The following VPS13B variants were observed in gnomAD, a reference collection of about 807,000 sequenced individuals.
VPS13B encodes intermembrane lipid transfer protein VPS13B.
A neutral mutation model predicts 426.4 loss-of-function variants in VPS13B; 285 were observed. The observed-to-expected ratio is 0.67, with a 90% CI of 0.61 to 0.74. The LOEUF is 0.74. Among genes scored for constraint, VPS13B ranks in the 30% least tolerant of loss-of-function variants. The probability of loss-of-function intolerance (pLI) is 0.00; values close to 1 mark genes in which losing one functional copy is unlikely to be tolerated. For missense variants in VPS13B, 4,537 were observed against 4,782.6 expected (o/e 0.95, Z 1.51); for synonymous variants, 1,676 against 1,676.4 (o/e 1.00, Z 0.01).
At chr8:99,213,350 T>G (rs1815208679) in intron 17 of VPS13B, among the ~76,000 whole-genome samples, 1 of 152,168 alleles carries the variant, frequency 6.6e-6, no homozygotes, top group Admixed American at 6.5e-5. Context: ...AATAATCAAA[T>G]ATAACATTTT....
intron 30 of VPS13B, among the ~76,000 whole-genome samples, chr8:99,533,974 T>C (rs1271421473): frequency 6.6e-6 from 1 of 152,242 alleles, no homozygotes; most frequent in East Asian, 1.9e-4. Context: ...AACCTTTGTT[T>C]TGGTTTTTGG....
chr8:99,425,659 A>G (rs1315991848), intron 21 of VPS13B, among the ~76,000 whole-genome samples: 2 of 152,192 alleles, frequency 1.3e-5, no homozygotes. Context: ...CTGGCACAAG[A>G]CAGGGATGCC....
intron 21 of VPS13B, among the ~76,000 whole-genome samples, chr8:99,406,551 T>A (rs1815342546): frequency 6.6e-6 from 1 of 152,226 alleles, no homozygotes; most frequent in South Asian, 2.1e-4. Context: ...TTTCACTTCG[T>A]GTGCATAATC....
At chr8:99,754,911 C>T (rs1305255301) in intron 39 of VPS13B, among the ~76,000 whole-genome samples, 1 of 152,132 alleles carries the variant, frequency 6.6e-6, no homozygotes, top group Non-Finnish European at 1.5e-5. Flanking sequence ...CCTGCCACAA[C>T]ACCTAGGGTT....
intron 40 of VPS13B, among the ~76,000 whole-genome samples, chr8:99,770,950 C>T (rs974755129): frequency 6.6e-6 from 1 of 152,206 alleles, no homozygotes; most frequent in Non-Finnish European, 1.5e-5. Context: ...GAAAAGGAAT[C>T]ATGAGCCCTA....
intron 44 of VPS13B, among the ~76,000 whole-genome samples, chr8:99,810,535 ATCT>A (rs1451013583): frequency 4.6e-5 from 7 of 152,210 alleles, no homozygotes; most frequent in African/African-American, 1.7e-4. Flanking sequence ...GGACTTGGTG[ATCT>A]TATTATTGTG....
intron 35 of VPS13B, chr8:99,696,469 G>A (rs1832007471): frequency 2.3e-5 from 9 of 387,882 alleles, no homozygotes; most frequent in South Asian, 1.1e-4. Context: ...CTCCGGATCC[G>A]CGCCGACCTC....
At chr8:99,734,628 A>G (rs1299033998) in intron 39 of VPS13B, among the ~76,000 whole-genome samples, 1 of 152,204 alleles carries the variant, frequency 6.6e-6, no homozygotes, top group Non-Finnish European at 1.5e-5. Flanking sequence ...TATTCTGTGA[A>G]GGTAGTCATT....
At chr8:99,311,698 G>C (rs1408803568) in intron 19 of VPS13B, among the ~76,000 whole-genome samples, 1 of 152,220 alleles carries the variant, frequency 6.6e-6, no homozygotes, top group Non-Finnish European at 1.5e-5. Context: ...ACTTGGTGCA[G>C]AGCTGAGTTC....
chr8:99,322,341 T>C (rs982109110), intron 19 of VPS13B, among the ~76,000 whole-genome samples: 1 of 152,208 alleles, frequency 6.6e-6, no homozygotes, highest in Non-Finnish European at 1.5e-5. Context: ...ACTAGATCAC[T>C]AATATTTTCA....
intron 3 of VPS13B, among the ~76,000 whole-genome samples, chr8:99,043,273 T>C (rs1411985572): frequency 6.6e-6 from 1 of 152,186 alleles, no homozygotes; most frequent in African/African-American, 2.4e-5. Flanking sequence ...CTTGTAGAAA[T>C]TTTACATGTG....
intron 7 of VPS13B, among the ~76,000 whole-genome samples, chr8:99,118,446 G>T (rs1354462578): frequency 1.3e-5 from 2 of 151,980 alleles, no homozygotes; most frequent in African/African-American, 4.8e-5. Context: ...CAATGAGTTT[G>T]AGAAATACAT....
intron 16 of VPS13B, among the ~76,000 whole-genome samples, chr8:99,179,552 C>A (rs1181829636): frequency 3.3e-5 from 5 of 152,104 alleles, no homozygotes; most frequent in Non-Finnish European, 7.4e-5. Flanking sequence ...ACTCCAGATG[C>A]TACTCCAGTT....
At chr8:99,524,047 A>G (rs952345754) in intron 30 of VPS13B, among the ~76,000 whole-genome samples, 10 of 152,290 alleles carry the variant, frequency 6.6e-5, no homozygotes, top group African/African-American at 2.2e-4. Flanking sequence ...AGAGATTGAA[A>G]TCATTTAAAA....
intron 25 of VPS13B, among the ~76,000 whole-genome samples, chr8:99,497,227 A>G (rs951990539): frequency 4.9e-5 from 7 of 142,800 alleles, no homozygotes; most frequent in African/African-American, 1.3e-4. Context: ...AAATACATGT[A>G]TTTATATATA....
chr8:99,336,974 A>T (rs1810920556), intron 19 of VPS13B, among the ~76,000 whole-genome samples: 2 of 152,072 alleles, frequency 1.3e-5, no homozygotes, highest in South Asian at 4.2e-4. Flanking sequence ...AGGGATCTAG[A>T]ACTAGAAATA....
At chr8:99,675,689 A>G (rs931947278) in intron 35 of VPS13B, among the ~76,000 whole-genome samples, 3 of 151,944 alleles carry the variant, frequency 2.0e-5, no homozygotes, top group Admixed American at 1.3e-4. Flanking sequence ...CTTTGAGTTC[A>G]TAGATTGTTT....
At chr8:99,595,192 T>C (rs1826945050) in intron 33 of VPS13B, among the ~76,000 whole-genome samples, 1 of 151,894 alleles carries the variant, frequency 6.6e-6, no homozygotes, top group African/African-American at 2.4e-5. Context: ...TACATATAGA[T>C]GAAAAATGTT....
At chr8:99,054,056 C>G (rs780991311) in intron 3 of VPS13B, among the ~76,000 whole-genome samples, 2 of 152,096 alleles carry the variant, frequency 1.3e-5, no homozygotes, top group African/African-American at 4.8e-5. Flanking sequence ...TGTATTTACC[C>G]CATTTGGTTT....
Sources: gnomAD v4.1 joint callset for allele counts (sites outside exome capture counted in the v4.1 genomes callset) on GRCh38, gnomAD v4.1.1 for gene constraint, MANE v1.5 for transcripts, NCBI Gene and HGNC (gene_info 2026-07-23, HGNC 2026-07-21) for gene names.